Variants in ESRRB observed in about 807,000 individuals in gnomAD.
The protein encoded by ESRRB is steroid hormone receptor ERR2.
In ESRRB, 16 loss-of-function variants were observed where a neutral mutation model predicts 46.0. The observed-to-expected ratio is 0.35, with a 90% CI of 0.24 to 0.53. The LOEUF (loss-of-function observed/expected upper bound fraction) is 0.53, where lower values mean the gene tolerates loss of function less well. Among genes scored for constraint, ESRRB ranks in the 20% least tolerant of loss-of-function variants. The probability of loss-of-function intolerance (pLI) is 0.93; values close to 1 mark genes in which losing one functional copy is unlikely to be tolerated. For missense variants in ESRRB, 488 were observed against 607.4 expected (o/e 0.80, Z 2.07); for synonymous variants, 246 against 259.6 (o/e 0.95, Z 0.50).
Position 76,482,007 on chromosome 14 carries a change from C to T in ESRRB, c.578-9C>T. On this transcript the variant is annotated splice_polypyrimidine_tract_variant and intron_variant, in intron 3 of 6. Transcript: ENST00000644823. The surrounding 1 kb of genome is among the most constrained non-coding windows in gnomAD (Gnocchi z 4.3). ...ACTGCTGAGATCTTTTCCCTTTCCT[C>T]CCCAATAGGTGTGCGCCTTGATCGA... 6.2e-7 allele frequency: 1 copy of T among 1,613,098 alleles called. No homozygotes were observed. Among genetic ancestry groups the T allele is most frequent in the Non-Finnish European group, 8.5e-7 (1 of 1,179,060 alleles).
intron 2 of ESRRB, among the ~76,000 whole-genome samples, chr14:76,454,676 GA>G (rs1052849871): frequency 2.6e-5 from 4 of 152,180 alleles, no homozygotes; most frequent in African/African-American, 9.7e-5. Context: ...GCCTCAGTGA[GA>G]GGGGATTAGG....
In ESRRB at chr14:76,482,037, G is replaced by C; in HGVS notation, c.599G>C (p.Arg200Pro). Residue 200 changes from arginine (R) to proline (P), a missense_variant, in exon 4 of 7, where the codon CGT becomes CCT. By Grantham distance (103) the Arg-to-Pro change is moderately radical. Coordinates refer to ENST00000644823, the MANE Select transcript of ESRRB (RefSeq NM_001379180.1). The surrounding 1 kb of genome is among the most constrained non-coding windows in gnomAD (Gnocchi z 4.3). ...LKEGVRLDRV[R>P]GGRQKYKRRL... ...ATAGGTGTGCGCCTTGATCGAGTGC[G>C]TGGAGGCCGTCAGAAATACAAGCGA... is the stretch of plus-strand genomic sequence containing the variant. The C allele has an allele frequency of 4.3e-6, 7 of 1,614,184 alleles. No individual in the cohort carries two copies. Among genetic ancestry groups the C allele is most frequent in the Non-Finnish European group, 5.9e-6 (7 of 1,180,034 alleles).
At chr14:76,358,419 A>C (rs1884424040) in intron 1 of ESRRB, among the ~76,000 whole-genome samples, 1 of 146,510 alleles carries the variant, frequency 6.8e-6, no homozygotes, top group African/African-American at 2.5e-5. Flanking sequence ...AAGAAAAGAA[A>C]AGAAAAAGAA....
chr14:76,371,251 G>A (rs2139781263), upstream of ESRRB: 1 of 152,268 alleles, frequency 6.6e-6, no homozygotes, highest in South Asian at 2.1e-4. Context: ...ATGATCCTTG[G>A]GACCAGTGCC....
At chr14:76,414,687 A>C (rs965599507) in intron 1 of ESRRB, among the ~76,000 whole-genome samples, 2 of 142,270 alleles carry the variant, frequency 1.4e-5, no homozygotes, top group African/African-American at 2.8e-5. Context: ...AAAAAAAAAA[A>C]AAAAAACTAT....
At chr14:76,423,025 A>T (rs1043285619) in intron 1 of ESRRB, among the ~76,000 whole-genome samples, 1 of 152,132 alleles carries the variant, frequency 6.6e-6, no homozygotes, top group Non-Finnish European at 1.5e-5. Flanking sequence ...TGTCTCAATG[A>T]GTTGCTCTCA....
At chr14:76,354,224 GCCC>G (rs1371208828) in intron 1 of ESRRB, among the ~76,000 whole-genome samples, 1 of 34,564 alleles carries the variant, frequency 2.9e-5, no homozygotes, top group Admixed American at 2.8e-4. Context: ...TCCTCTACCC[GCCC>G]CCCCCCCCAC....
rs113692792 is a variant in ESRRB, at chr14:76,437,517, T to C, written c.51-1824T>C. ...CTCCCTGCCACCCAAGAGTCGTCTTTCCATTGGCAGGCTGTCCTATGACCT... is the reference window on the plus strand; with the variant it reads ...CTCCCTGCCACCCAAGAGTCGTCTTCCCATTGGCAGGCTGTCCTATGACCT... On this transcript the variant is annotated intron_variant, in intron 1 of 6. Transcript: ENST00000644823. Among the ~76,000 whole-genome samples the C allele has an allele frequency of 8.0e-4, 122 of 152,308 alleles. 1 individual carries two copies. The highest frequency in any genetic ancestry group is 2.8e-3 in the African/African-American group (116 of 41,580).
upstream of ESRRB, chr14:76,371,572 C>T (rs896381579): frequency 6.6e-6 from 1 of 152,286 alleles, no homozygotes; most frequent in Non-Finnish European, 1.5e-5. Context: ...GCATCCTCCC[C>T]TTCCTGGGCT....
At chr14:76,409,870 G>A (rs1230405689) in intron 1 of ESRRB, among the ~76,000 whole-genome samples, 1 of 152,142 alleles carries the variant, frequency 6.6e-6, no homozygotes, top group Admixed American at 6.6e-5. Context: ...CCGTACATGC[G>A]ATTGCCAAGG....
At position 76,482,708 on chromosome 14, in the gene ESRRB, C is replaced by T. The variant is rs1356916047; in HGVS notation, c.799C>T (p.Leu267=). 1.2e-6 allele frequency: 2 copies of T among 1,614,236 alleles called. No homozygotes were observed. The highest frequency in any genetic ancestry group is 1.7e-6 in the Non-Finnish European group (2 of 1,180,048). ...CAAGGCCCTGACCACTCTCTGTGACCTGGCAGACCGAGAGCTTGTGGTCAT... is the reference window on the plus strand; with the variant it reads ...CAAGGCCCTGACCACTCTCTGTGACTTGGCAGACCGAGAGCTTGTGGTCAT... ...DIKALTTLCD[L]ADRELVVIIG... is the part of the protein sequence containing the mutation. The change falls in exon 5 of 7, where the codon CTG becomes TTG. Residue 267 remains leucine (L), a synonymous_variant. Transcript: ENST00000644823. This position sits in a 1 kb window ranked among gnomAD's most constrained non-coding sequence, Gnocchi z 4.3.
chr14:76,471,641 C>T (rs1889377835), intron 3 of ESRRB, among the ~76,000 whole-genome samples: 1 of 152,196 alleles, frequency 6.6e-6, no homozygotes, highest in African/African-American at 2.4e-5. Context: ...CCTTCTTATC[C>T]TTCCGACCTC....
intron 1 of ESRRB, among the ~76,000 whole-genome samples, chr14:76,389,407 A>G (rs1885376540): frequency 6.6e-6 from 1 of 152,218 alleles, no homozygotes; most frequent in Non-Finnish European, 1.5e-5. Flanking sequence ...CCAGTGACAC[A>G]GAGTGGGTGT....
intron 1 of ESRRB, among the ~76,000 whole-genome samples, chr14:76,421,357 T>C (rs60739579): frequency 0.068 from 10,289 of 152,294 alleles, 508 homozygotes; most frequent in East Asian, 0.19. Flanking sequence ...GGTGCCTCGA[T>C]TGATTTTCCC....
chr14:76,483,123 A>C (rs1889873901), intron 5 of ESRRB, among the ~76,000 whole-genome samples: 1 of 152,238 alleles, frequency 6.6e-6, no homozygotes, highest in Non-Finnish European at 1.5e-5. Flanking sequence ...AGAAAACAAC[A>C]GAAGAAAGAC....
At position 76,315,932 on chromosome 14, in the gene ESRRB, A is replaced by C. The variant is rs77515187; in HGVS notation, c.2+5016A>C. On this transcript the variant is annotated intron_variant, in intron 1 of 6. Coordinates refer to the ESRRB transcript ENST00000512784. ...GTGACTCTTTTCCCTCTGTAGAAAG[A>C]GAATTTTCTTAAGTTTCTTGGCCCT... Among the ~76,000 whole-genome samples, 790 of 152,312 alleles carry C rather than the reference A, an allele frequency of 5.2e-3. 10 individuals are homozygous for C. Among genetic ancestry groups the C allele is most frequent in the African/African-American group, 0.018 (757 of 41,576 alleles).
intron 1 of ESRRB, among the ~76,000 whole-genome samples, chr14:76,338,052 T>C (rs1884148503): frequency 6.6e-6 from 1 of 152,146 alleles, no homozygotes; most frequent in Non-Finnish European, 1.5e-5. Context: ...TCTGCAATTC[T>C]CCCCTCATTA....
At chr14:76,459,595 G>A (rs768517400) in intron 2 of ESRRB, among the ~76,000 whole-genome samples, 9 of 152,136 alleles carry the variant, frequency 5.9e-5, no homozygotes, top group African/African-American at 1.7e-4. Flanking sequence ...ATCCTCCAGC[G>A]CCTTCTAAGC....
At chr14:76,323,063 G>T (rs1286465235) in intron 1 of ESRRB, among the ~76,000 whole-genome samples, 1 of 152,118 alleles carries the variant, frequency 6.6e-6, no homozygotes, top group Non-Finnish European at 1.5e-5. Context: ...TGCAGTGGGT[G>T]GGGGGCGTCT....
Sources: gnomAD v4.1 joint callset for allele counts (sites outside exome capture counted in the v4.1 genomes callset) on GRCh38, gnomAD v4.1.1 for gene constraint, Gnocchi (gnomAD v3.1) non-coding constraint, MANE v1.5 for transcripts, NCBI Gene and HGNC (gene_info 2026-07-23, HGNC 2026-07-21) for gene names.